The following ZNF385B variants were observed in gnomAD, a reference collection of about 807,000 sequenced individuals.
The protein encoded by ZNF385B is zinc finger protein 385B.
ZNF385B carries 23 observed loss-of-function variants against 39.2 expected under a neutral mutation model. The observed-to-expected ratio is 0.59, with a 90% confidence interval of 0.42 to 0.83. The LOEUF (loss-of-function observed/expected upper bound fraction) is 0.83, where lower values mean the gene tolerates loss of function less well. ZNF385B is among the 40% of genes least tolerant of loss of function. ZNF385B has a pLI of 0.00. For synonymous variants in ZNF385B, 205 were observed against 222.6 expected (o/e 0.92, Z 0.70); for missense variants, 552 against 598.9 (o/e 0.92, Z 0.82).
At chr2:179,796,339 C>G (rs1323171401) in intron 1 of ZNF385B, 1 of 152,086 alleles carries the variant, frequency 6.6e-6, no homozygotes, top group Non-Finnish European at 1.5e-5. Flanking sequence ...TCAGTTTTAC[C>G]TAAGGGCTGT....
Position 179,861,110 on chromosome 2 carries a change from CGGGCCGCGGGCGCGT to C in ZNF385B, c.-179_-165del, listed in dbSNP as rs1004919035. The C allele has an allele frequency of 1.3e-5, 2 of 155,102 alleles. No individual in the cohort carries two copies. Among genetic ancestry groups the C allele is most frequent in the African/African-American group, 4.8e-5 (2 of 41,360 alleles). The allele number at this position is 155,102 out of a possible 1,614,324, so 9.6% of individuals were successfully genotyped here. A position where few individuals can be genotyped will look rare whatever the true frequency, so the allele number is the denominator to read the frequency against. The stretch of plus-strand genomic sequence containing the variant: ...GGCGCCCAGAGCTTACCTCGGCGCG[CGGGCCGCGGGCGCGT>C]GGGGCAGTGGCTCCTCCAGCCGGGA... On this transcript the variant is annotated 5_prime_UTR_variant, in exon 1 of 10. Transcript: ENST00000410066.
At chr2:179,627,803 CAA>C (rs1255513697) in intron 3 of ZNF385B, among the ~76,000 whole-genome samples, 2 of 130,388 alleles carry the variant, frequency 1.5e-5, no homozygotes, top group African/African-American at 6.1e-5. Flanking sequence ...TTCTATTGAT[CAA>C]GTTTTTTTTT....
intron 3 of ZNF385B, among the ~76,000 whole-genome samples, chr2:179,720,999 C>A (rs1185842171): frequency 7.0e-6 from 1 of 142,922 alleles, no homozygotes; most frequent in African/African-American, 2.6e-5. Flanking sequence ...AAACACCTAG[C>A]CTTAAGTGAT....
At chr2:179,520,149 C>G (rs998928590) in intron 4 of ZNF385B, among the ~76,000 whole-genome samples, 1 of 151,408 alleles carries the variant, frequency 6.6e-6, no homozygotes, top group Non-Finnish European at 1.5e-5. Context: ...CTGGGCAACA[C>G]AGCAAGACCC....
intron 3 of ZNF385B, among the ~76,000 whole-genome samples, chr2:179,558,140 C>T (rs946443569): frequency 3.3e-5 from 5 of 152,030 alleles, no homozygotes; most frequent in African/African-American, 4.8e-5. Context: ...GGCAACTGAC[C>T]TTCTATTTGA....
chr2:179,841,790 T>C (rs1042822000), intron 1 of ZNF385B, among the ~76,000 whole-genome samples: 1 of 152,148 alleles, frequency 6.6e-6, no homozygotes, highest in Non-Finnish European at 1.5e-5. Flanking sequence ...TCATGAGTAG[T>C]AGAAAGAATC....
chr2:179,658,651 C>A (rs1694082046), intron 3 of ZNF385B, among the ~76,000 whole-genome samples: 1 of 152,278 alleles, frequency 6.6e-6, no homozygotes, highest in South Asian at 2.1e-4. Context: ...TATAGACTTT[C>A]TCTGTGCAGA....
chr2:179,586,570 G>A (rs1049288510), intron 3 of ZNF385B, among the ~76,000 whole-genome samples: 1 of 152,216 alleles, frequency 6.6e-6, no homozygotes, highest in Non-Finnish European at 1.5e-5. Flanking sequence ...TACAGCTCTT[G>A]TGTTATATTC....
intron 3 of ZNF385B, among the ~76,000 whole-genome samples, chr2:179,708,190 A>T (rs1699756540): frequency 6.6e-6 from 1 of 152,152 alleles, no homozygotes; most frequent in South Asian, 2.1e-4. Context: ...ATGTCGAGGG[A>T]GGGACCTGGT....
intron 1 of ZNF385B, among the ~76,000 whole-genome samples, chr2:179,781,336 C>T (rs576263749): frequency 1.3e-4 from 20 of 152,240 alleles, no homozygotes; most frequent in African/African-American, 3.9e-4. Flanking sequence ...CAAACACACA[C>T]ACACACCGAC....
At chr2:179,761,972 C>T (rs1383460314) in intron 3 of ZNF385B, among the ~76,000 whole-genome samples, 1 of 151,996 alleles carries the variant, frequency 6.6e-6, no homozygotes, top group Admixed American at 6.6e-5. Context: ...CATCCTTCCC[C>T]TGCTCTTGGT....
intron 5 of ZNF385B, among the ~76,000 whole-genome samples, chr2:179,484,840 A>G (rs1380751213): frequency 6.6e-6 from 1 of 152,192 alleles, no homozygotes; most frequent in Non-Finnish European, 1.5e-5. Flanking sequence ...ATTTGAGGAA[A>G]GGGATGCATA....
chr2:179,823,444 G>C (rs1707514807), intron 1 of ZNF385B, among the ~76,000 whole-genome samples: 1 of 151,974 alleles, frequency 6.6e-6, no homozygotes. Flanking sequence ...GTCAAAATTT[G>C]GTTCACTATC....
chr2:179,508,052 A>G (rs1210003742), intron 5 of ZNF385B, among the ~76,000 whole-genome samples: 1 of 151,822 alleles, frequency 6.6e-6, no homozygotes, highest in African/African-American at 2.4e-5. Flanking sequence ...ACGGTATTAA[A>G]TTAGTCTCTT....
chr2:179,663,641 C>T (rs1694764760), intron 3 of ZNF385B, among the ~76,000 whole-genome samples: 2 of 135,308 alleles, frequency 1.5e-5, no homozygotes, highest in Non-Finnish European at 3.1e-5. Context: ...ACTCGGGAGG[C>T]GGAGCTTGCA....
chr2:179,507,141 A>C (rs960583700), intron 5 of ZNF385B, among the ~76,000 whole-genome samples: 2 of 152,208 alleles, frequency 1.3e-5, no homozygotes, highest in Admixed American at 6.5e-5. Context: ...TTAATAACTA[A>C]AAGTGATTAA....
At chr2:179,602,664 T>C (rs1026438344) in intron 3 of ZNF385B, among the ~76,000 whole-genome samples, 1 of 152,194 alleles carries the variant, frequency 6.6e-6, no homozygotes, top group Non-Finnish European at 1.5e-5. Flanking sequence ...CAGTGGTAAA[T>C]ACCACGTAAG....
At chr2:179,681,657 G>C (rs1278228610) in intron 3 of ZNF385B, among the ~76,000 whole-genome samples, 2 of 152,120 alleles carry the variant, frequency 1.3e-5, no homozygotes, top group Non-Finnish European at 2.9e-5. Context: ...TCAGGAAAAA[G>C]AGTTCATGTA....
At chr2:179,580,413 G>A (rs1297644268) in intron 3 of ZNF385B, among the ~76,000 whole-genome samples, 35 of 152,046 alleles carry the variant, frequency 2.3e-4, no homozygotes, top group Non-Finnish European at 4.4e-5. Flanking sequence ...CTCTTTGTGG[G>A]TATCATAATA....
Sources: allele counts gnomAD v4.1 joint callset (sites outside exome capture counted in the v4.1 genomes callset), GRCh38; gene constraint gnomAD v4.1.1; transcripts MANE v1.5; gene names NCBI Gene and HGNC (gene_info 2026-07-23, HGNC 2026-07-21).